Variants in RAB10 observed in about 807,000 individuals in gnomAD.
RAB10 encodes the protein RAB10, member RAS oncogene family.
RAB10 carries 5 observed loss-of-function variants against 25.7 expected under a neutral mutation model. The observed-to-expected ratio is 0.19, with a 90% CI of 0.10 to 0.41. The LOEUF (loss-of-function observed/expected upper bound fraction) is 0.41, where lower values mean the gene tolerates loss of function less well. Ranked by LOEUF, RAB10 falls within the 10% of genes least tolerant of loss-of-function variation. The pLI is 1.00. For synonymous variants in RAB10, 89 were observed against 86.4 expected (o/e 1.03, Z -0.16); for missense variants, 103 against 245.8 (o/e 0.42, Z 3.89).
intron 1 of RAB10, among the ~76,000 whole-genome samples, chr2:26,036,634 G>A (rs1436244218): frequency 6.6e-6 from 1 of 151,536 alleles, no homozygotes; most frequent in East Asian, 2.0e-4. Flanking sequence ...ACTCCAGCCT[G>A]GGCAACAAAG....
Position 26,136,668 on chromosome 2 carries a change from AC to A in RAB10, c.*1648del, listed in dbSNP as rs1668119145. Reference sequence around the variant, plus strand: ...ATTTCTAGCAGAGGCTGAGTTTAGGACAGCAGCTTCCATTGAGAAGTCTTTC... The same window carrying A: ...ATTTCTAGCAGAGGCTGAGTTTAGGAAGCAGCTTCCATTGAGAAGTCTTTC... On this transcript the variant is annotated 3_prime_UTR_variant, in exon 6 of 6. Transcript: ENST00000264710. 6.6e-6 allele frequency: 1 copy of A among 152,652 alleles called. No homozygotes were observed. Among genetic ancestry groups the A allele is most frequent in the South Asian group, 2.1e-4 (1 of 4,830 alleles). 9.5% of individuals were successfully genotyped at this position (152,652 alleles called of 1,614,324 possible). A position where few individuals can be genotyped will look rare whatever the true frequency, so the allele number is the denominator to read the frequency against.
chr2:26,086,021 G>GA (rs1666978937), intron 1 of RAB10, among the ~76,000 whole-genome samples: 1 of 140,564 alleles, frequency 7.1e-6, no homozygotes, highest in Non-Finnish European at 1.5e-5. Flanking sequence ...AAAAAAAGGG[G>GA]GGGGGCAAAG....
rs184607340 is a variant in RAB10 at position 26,048,183 on chromosome 2, G to C, written c.127+13448G>C. Among the ~76,000 whole-genome samples, 824 of 152,184 alleles carry C rather than the reference G, an allele frequency of 5.4e-3. 8 individuals carry two copies. Among genetic ancestry groups the C allele is most frequent in the African/African-American group, 0.019 (771 of 41,528 alleles). On this transcript the variant is annotated intron_variant, in intron 1 of 5. Transcript: ENST00000264710. ...AGCTGCTAGGAATATTTTGTGTACA[G>C]GTTGTGTGATCATAAATTTTTGTTT...
intron 2 of RAB10, among the ~76,000 whole-genome samples, chr2:26,100,635 C>G (rs1667321700): frequency 6.6e-6 from 1 of 152,174 alleles, no homozygotes; most frequent in African/African-American, 2.4e-5. Flanking sequence ...AGAGGCATAT[C>G]AATCTGCTCT....
intron 1 of RAB10, among the ~76,000 whole-genome samples, chr2:26,049,203 T>G (rs1393335627): frequency 1.3e-5 from 2 of 149,598 alleles, no homozygotes; most frequent in Non-Finnish European, 1.5e-5. Context: ...TTTTTTTTTT[T>G]GCTTGTGGAA....
At chr2:26,130,227 A>G (rs1336812844) in intron 5 of RAB10, among the ~76,000 whole-genome samples, 1 of 152,260 alleles carries the variant, frequency 6.6e-6, no homozygotes, top group Non-Finnish European at 1.5e-5. Context: ...TCTTGAGAAA[A>G]TAAATCTATA....
At chr2:26,040,151 G>T (rs1345349096) in intron 1 of RAB10, among the ~76,000 whole-genome samples, 4 of 152,058 alleles carry the variant, frequency 2.6e-5, no homozygotes, top group East Asian at 1.9e-4. Context: ...AGTGATGAGG[G>T]TTTCTTGTTG....
At chr2:26,073,269 C>G (rs946099126) in intron 1 of RAB10, among the ~76,000 whole-genome samples, 3 of 152,224 alleles carry the variant, frequency 2.0e-5, no homozygotes, top group African/African-American at 7.2e-5. Context: ...GGAGAAGGGG[C>G]TATTAACCAG....
intron 3 of RAB10, among the ~76,000 whole-genome samples, chr2:26,113,551 G>A (rs1218504168): frequency 6.9e-6 from 1 of 144,220 alleles, no homozygotes; most frequent in African/African-American, 2.6e-5. Context: ...TCCAGCCTGG[G>A]CGACAGAGCA....
At chr2:26,074,397 A>G (rs1313108600) in intron 1 of RAB10, among the ~76,000 whole-genome samples, 3 of 152,020 alleles carry the variant, frequency 2.0e-5, no homozygotes, top group Non-Finnish European at 4.4e-5. Flanking sequence ...TGTACTTTTA[A>G]AGTATTTTAT....
chr2:26,040,190 C>T (rs1665854622), intron 1 of RAB10, among the ~76,000 whole-genome samples: 3 of 152,132 alleles, frequency 2.0e-5, no homozygotes, highest in Admixed American at 6.6e-5. Context: ...CTCACTCTGT[C>T]ACCCAACTTG....
intron 1 of RAB10, among the ~76,000 whole-genome samples, chr2:26,051,932 C>T (rs1205901224): frequency 1.3e-5 from 2 of 151,606 alleles, no homozygotes; most frequent in Non-Finnish European, 2.9e-5. Context: ...TGGCACGCAC[C>T]TGTAATCCCA....
chr2:26,052,883 C>T (rs1048237123), intron 1 of RAB10, among the ~76,000 whole-genome samples: 1 of 152,080 alleles, frequency 6.6e-6, no homozygotes, highest in Non-Finnish European at 1.5e-5. Context: ...CTTATATACA[C>T]CCCTCACTTT....
intron 1 of RAB10, chr2:26,042,542 A>T (rs1391484597): frequency 6.6e-6 from 1 of 152,086 alleles, no homozygotes; most frequent in African/African-American, 2.4e-5. Context: ...GCTACTCAGG[A>T]GGCTGAGATG....
intron 3 of RAB10, among the ~76,000 whole-genome samples, chr2:26,122,386 T>C (rs868492909): frequency 9.6e-4 from 146 of 152,250 alleles, no homozygotes; most frequent in African/African-American, 3.2e-3. Flanking sequence ...CCCAGCACTT[T>C]GGGAGGCCAA....
rs1335712837 is a variant in RAB10 at position 26,034,221 on chromosome 2, G to T, written c.-388G>T. 4 of 437,082 alleles carry T rather than the reference G, an allele frequency of 9.2e-6. No individual in the cohort carries two copies. Among genetic ancestry groups the T allele is most frequent in the African/African-American group, 4.0e-5 (2 of 49,458 alleles). 27.1% of individuals were successfully genotyped at this position (437,082 alleles called of 1,614,324 possible). On this transcript the variant is annotated 5_prime_UTR_variant, in exon 1 of 6. Coordinates refer to ENST00000264710, the MANE Select transcript of RAB10 (RefSeq NM_016131.5). Reference sequence around the variant, plus strand: ...TCTTCGCTGCCCTCGCCGCGTGCTAGCAGGGAGTTTCCGCTCGGGAGAGAG... The same window carrying T: ...TCTTCGCTGCCCTCGCCGCGTGCTATCAGGGAGTTTCCGCTCGGGAGAGAG...
At chr2:26,082,571 G>A (rs933541940) in intron 1 of RAB10, among the ~76,000 whole-genome samples, 1 of 152,076 alleles carries the variant, frequency 6.6e-6, no homozygotes, top group African/African-American at 2.4e-5. Flanking sequence ...TCCTCTCTTA[G>A]TAATTGATAG....
intron 1 of RAB10, among the ~76,000 whole-genome samples, chr2:26,057,661 C>G (rs1343941679): frequency 2.3e-5 from 1 of 43,274 alleles, no homozygotes; most frequent in Non-Finnish European, 5.1e-5. Flanking sequence ...CTCACTCTTT[C>G]CCCAAGGCTG....
intron 1 of RAB10, among the ~76,000 whole-genome samples, chr2:26,082,785 A>G (rs1323611732): frequency 6.6e-6 from 1 of 152,198 alleles, no homozygotes; most frequent in Non-Finnish European, 1.5e-5. Flanking sequence ...TACTAAAACT[A>G]AAGATATGAC....
Sources: gnomAD v4.1 joint callset for allele counts (sites outside exome capture counted in the v4.1 genomes callset) on GRCh38, gnomAD v4.1.1 for gene constraint, MANE v1.5 for transcripts, NCBI Gene and HGNC (gene_info 2026-07-23, HGNC 2026-07-21) for gene names.